GREB1: variants seen among roughly 807,000 people sequenced by gnomAD.
The protein encoded by GREB1 is growth regulating estrogen receptor binding 1.
In GREB1, 106 loss-of-function variants were observed where a neutral mutation model predicts 200.7. The observed-to-expected ratio is 0.53, with a 90% CI of 0.45 to 0.62. The LOEUF (loss-of-function observed/expected upper bound fraction) is 0.62, where lower values mean the gene tolerates loss of function less well. Among genes scored for constraint, GREB1 ranks in the 20% least tolerant of loss-of-function variants. GREB1 has a pLI of 0.00. For missense variants in GREB1, 2,243 were observed against 2,556.8 expected, an observed-to-expected ratio of 0.88 and a Z score of 2.65; for synonymous variants, 1,132 against 1,092.4, an observed-to-expected ratio of 1.04 and a Z score of -0.72.
At position 11,616,085 on chromosome 2, in the gene GREB1, C is replaced by T. The variant is rs1015274848; in HGVS notation, c.3323-546C>T. On this transcript the variant is annotated intron_variant, in intron 20 of 32. Coordinates refer to ENST00000381486, the MANE Select transcript of GREB1 (RefSeq NM_014668.4). Reference sequence around the variant, plus strand: ...TTTGTGAGTATCTGCTGCACGTCTCCGTGCTCCCTGGCATCTCAGGACCCC... The same window carrying T: ...TTTGTGAGTATCTGCTGCACGTCTCTGTGCTCCCTGGCATCTCAGGACCCC... Among the ~76,000 whole-genome samples, 6 of 152,376 alleles carry T rather than the reference C, an allele frequency of 3.9e-5. 1 individual carries two copies. In the South Asian group the frequency reaches 6.2e-4, roughly 16 times the overall value.
chr2:11,507,348 A>T (rs1271179618), intron 1 of GREB1, among the ~76,000 whole-genome samples: 1 of 148,796 alleles, frequency 6.7e-6, no homozygotes, highest in African/African-American at 2.5e-5. Context: ...GGCAGAGGTT[A>T]TAGTGAGTGG....
intron 26 of GREB1, 71 bp downstream of exon 26, chr2:11,630,180 CAG>C (rs1684773558): frequency 2.1e-5 from 31 of 1,483,388 alleles, no homozygotes; most frequent in Middle Eastern, 3.5e-4. Flanking sequence ...GGACTAGAGA[CAG>C]AGCTTCCTGT....
intron 17 of GREB1, among the ~76,000 whole-genome samples, chr2:11,604,705 C>G (rs758625076): frequency 6.6e-6 from 1 of 152,210 alleles, no homozygotes; most frequent in Non-Finnish European, 1.5e-5. Flanking sequence ...TTGGTGGCAA[C>G]ATGGACTGCA....
Position 11,505,779 on chromosome 2 carries a change from C to T in GREB1, c.-159+23398C>T, listed in dbSNP as rs554219386. On this transcript the variant is annotated intron_variant, in intron 1 of 2. Transcript: ENST00000628795. ...GGAGGATTGCTTGAGCCCAGGAGAA[C>T]GAGGGTGCAGTGAGCTGTGATCACA... Among the ~76,000 whole-genome samples, 114 of 151,780 alleles carry T rather than the reference C, an allele frequency of 7.5e-4. 1 individual carries two copies. The highest frequency in any genetic ancestry group is 2.7e-3 in the African/African-American group (112 of 41,360).
intron 4 of GREB1, among the ~76,000 whole-genome samples, chr2:11,571,248 G>T (rs1403177834): frequency 1.3e-5 from 2 of 152,106 alleles, no homozygotes; most frequent in Non-Finnish European, 2.9e-5. Context: ...GCTAGGTATA[G>T]TGTGTGCTCG....
chr2:11,624,252 T>G (rs1398307791), intron 23 of GREB1, among the ~76,000 whole-genome samples: 1 of 152,058 alleles, frequency 6.6e-6, no homozygotes, highest in African/African-American at 2.4e-5. Context: ...GCAAGCCCCG[T>G]GCAAGGTGGG....
At chr2:11,491,482 G>A (rs1194852531) in intron 1 of GREB1, among the ~76,000 whole-genome samples, 1 of 152,040 alleles carries the variant, frequency 6.6e-6, no homozygotes, top group Non-Finnish European at 1.5e-5. Context: ...CTGAGAGTAG[G>A]GCCAATGACT....
intron 1 of GREB1, among the ~76,000 whole-genome samples, chr2:11,555,488 A>G (rs1048404347): frequency 1.3e-5 from 2 of 152,240 alleles, no homozygotes; most frequent in Admixed American, 6.5e-5. Context: ...ACAATCTCCC[A>G]TCCCTTCCCA....
Position 11,625,199 on chromosome 2 carries a change from C to A in GREB1, c.4193C>A (p.Pro1398His). The change falls in exon 24 of 33, where the codon CCC (proline) becomes CAC (histidine). Residue 1398 changes from proline (P) to histidine (H), a missense_variant. By Grantham distance (77) the Pro-to-His change is moderately conservative (BLOSUM62 -2). This residue lies in a region of GREB1 where 587 missense variants were observed against 553.1 expected (regional missense o/e 1.06). Transcript: ENST00000381486. ...SDWHYLQLSD[P>H]WPDLELFKKL... is the part of the protein sequence containing the mutation. Reference sequence around the variant, plus strand: ...TGGCATTATCTCCAGCTTAGCGACCCCTGGCCAGACCTGGAGCTGTTCAAG... The same window carrying A: ...TGGCATTATCTCCAGCTTAGCGACCACTGGCCAGACCTGGAGCTGTTCAAG... The A allele has an allele frequency of 6.2e-7, 1 of 1,613,868 alleles. No homozygotes were observed. Among genetic ancestry groups the A allele is most frequent in the South Asian group, 1.1e-5 (1 of 91,068 alleles).
rs888475240 is a variant in GREB1 at position 11,612,346 on chromosome 2, C to T, written c.3007-149C>T. On this transcript the variant is annotated intron_variant, in intron 18 of 32. Transcript: ENST00000381486. ...ATACGGTGGCCAAGTGGATGGTGTG[C>T]TTATTTGCAGTCTAAAGAAATTTCC... 22 of 1,398,272 alleles carry T rather than the reference C, an allele frequency of 1.6e-5. No homozygotes were observed. In the African/African-American group the frequency reaches 2.9e-4, roughly 19 times the overall value. The allele number at this position is 1,398,272 out of a possible 1,614,324, so 86.6% of individuals were successfully genotyped here. A position where few individuals can be genotyped will look rare whatever the true frequency, so the allele number is the denominator to read the frequency against.
In GREB1 at chr2:11,618,689, A is replaced by T; in HGVS notation, c.3814A>T (p.Thr1272Ser). Residue 1272 changes from threonine (T) to serine (S), a missense_variant, in exon 22 of 33, where the codon ACT becomes TCT. Physicochemically the swap from Thr to Ser is moderately conservative, Grantham distance 58. Coordinates refer to ENST00000381486, the MANE Select transcript of GREB1 (RefSeq NM_014668.4). ...PKLVYDMVVSTDSSGLPKAAS... is the reference protein window; with the variant it reads ...PKLVYDMVVSSDSSGLPKAAS... ...GCTCGTGTACGACATGGTTGTGTCC[A>T]CTGACAGCAGTGGCCTGCCCAAGGC... 1 of 1,613,700 alleles carries T rather than the reference A, an allele frequency of 6.2e-7. No homozygotes were observed.
In GREB1 at chr2:11,633,009, A is replaced by T; in HGVS notation, c.4937A>T (p.Asp1646Val). The change falls in exon 28 of 33, where the codon GAC (aspartate) becomes GTC (valine). Residue 1646 changes from aspartate (D) to valine (V), a missense_variant. Coordinates refer to ENST00000381486, the MANE Select transcript of GREB1 (RefSeq NM_014668.4). This position sits in a 1 kb window ranked among gnomAD's most constrained non-coding sequence, Gnocchi z 4.1. ...DIWPFIVISD[D>V]SCVMWNVVDV... The stretch of plus-strand genomic sequence containing the variant: ...TGGCCTTTCATTGTGATCTCTGATG[A>T]CTCCTGCGTGATGTGGAACGTGGTG... 1 of 1,613,976 alleles carries T rather than the reference A, an allele frequency of 6.2e-7. No individual in the cohort carries two copies. Among genetic ancestry groups the T allele is most frequent in the Non-Finnish European group, 8.5e-7 (1 of 1,179,992 alleles).
At chr2:11,594,668 C>T (rs1483552972) in intron 11 of GREB1, among the ~76,000 whole-genome samples, 3 of 143,334 alleles carry the variant, frequency 2.1e-5, no homozygotes, top group Non-Finnish European at 3.0e-5. Context: ...GTTCTTTAAT[C>T]TTAAACCCAT....
At chr2:11,516,795 A>G (rs1673521572) in intron 1 of GREB1, among the ~76,000 whole-genome samples, 1 of 152,358 alleles carries the variant, frequency 6.6e-6, no homozygotes, top group Admixed American at 6.5e-5. Context: ...CAAGCAAGAA[A>G]GAGAGACAAA....
intron 7 of GREB1, among the ~76,000 whole-genome samples, chr2:11,581,847 G>T (rs1028371800): frequency 4.6e-5 from 7 of 152,186 alleles, no homozygotes; most frequent in Admixed American, 3.3e-4. Context: ...GCTGGTGGAG[G>T]ATCTCCCTGG....
rs1572847623 is a variant in GREB1, at chr2:11,592,100, A to G, written c.1346-676A>G. 3 of 981,962 alleles carry G rather than the reference A, an allele frequency of 3.1e-6. 1 individual carries two copies. Among genetic ancestry groups the G allele is most frequent in the Non-Finnish European group, 1.2e-6 (1 of 827,024 alleles). 60.8% of individuals were successfully genotyped at this position (981,962 alleles called of 1,614,324 possible). On this transcript the variant is annotated intron_variant, in intron 10 of 32. Transcript: ENST00000381486. Reference sequence around the variant, plus strand: ...AGGGACAGTGTAACCTGTCTATACCACCGTAGTTCCAGTCCTAACTTTCTG... The same window carrying G: ...AGGGACAGTGTAACCTGTCTATACCGCCGTAGTTCCAGTCCTAACTTTCTG...
At chr2:11,621,569 G>A (rs1476492392) in intron 23 of GREB1, among the ~76,000 whole-genome samples, 1 of 152,166 alleles carries the variant, frequency 6.6e-6, no homozygotes, top group Non-Finnish European at 1.5e-5. Context: ...CCCCTTTTGT[G>A]CTCATGTAAA....
rs1460552282 is a variant in GREB1, at chr2:11,637,805, C to G, written c.5436C>G (p.Leu1812=). 6.2e-7 allele frequency: 1 copy of G among 1,614,168 alleles called. No homozygotes were observed. Among genetic ancestry groups the G allele is most frequent in the Non-Finnish European group, 8.5e-7 (1 of 1,180,000 alleles). ...CGTTCCTCGCAGCGCCCGCCCAGCT[C>G]CTGCTGGAGAAGTTCCTGCAGCACC... The part of the protein sequence containing the change: ...KHTFLAAPAQ[L]LLEKFLQHHS... Residue 1812 remains leucine, a synonymous_variant, in exon 31 of 33, where the codon CTC becomes CTG. Transcript: ENST00000381486.
rs754835345 is a variant in GREB1, at chr2:11,631,889, A to G, written c.4612-20A>G. On this transcript the variant is annotated intron_variant, in intron 26 of 32. Coordinates refer to ENST00000381486, the MANE Select transcript of GREB1 (RefSeq NM_014668.4). ...GCCACATTTACAAACACTCTACCTC[A>G]TGATACCTGTACTTTGCAGAGCCAT... The G allele has an allele frequency of 1.4e-5, 22 of 1,587,600 alleles. No individual in the cohort carries two copies. The highest frequency in any genetic ancestry group is 1.9e-5 in the Non-Finnish European group (22 of 1,156,676).
Sources: gnomAD v4.1 joint callset for allele counts (sites outside exome capture counted in the v4.1 genomes callset) on GRCh38, gnomAD v4.1.1 for gene constraint, gnomAD v4.1.1 regional missense constraint, Gnocchi (gnomAD v3.1) non-coding constraint, MANE v1.5 for transcripts, NCBI Gene and HGNC (gene_info 2026-07-23, HGNC 2026-07-21) for gene names.